The following LCMT1 variants were observed in gnomAD, a reference collection of about 807,000 sequenced individuals.
LCMT1 encodes [Phosphatase 2A protein]-leucine-carboxy methyltransferase 1.
LCMT1 carries 32 observed loss-of-function variants against 47.7 expected under a neutral mutation model. That is an observed-to-expected ratio of 0.67 (90% CI 0.51 to 0.90). The LOEUF is 0.90. LCMT1 is among the 40% of genes least tolerant of loss of function. LCMT1 has a pLI of 0.00. For missense variants in LCMT1, 375 were observed against 415.2 expected (o/e 0.90, Z 0.84); for synonymous variants, 152 against 149.7 (o/e 1.02, Z -0.11).
intron 1 of LCMT1, among the ~76,000 whole-genome samples, chr16:25,127,222 T>C (rs1395245160): frequency 6.6e-6 from 1 of 152,242 alleles, no homozygotes; most frequent in Admixed American, 6.5e-5. Context: ...TTTTACTTGG[T>C]TCAACATTTA....
chr16:25,171,962 T>C (rs1961788311), intron 9 of LCMT1, among the ~76,000 whole-genome samples: 1 of 152,204 alleles, frequency 6.6e-6, no homozygotes, highest in South Asian at 2.1e-4. Flanking sequence ...AAACAATAGA[T>C]TGTATTTGCC....
At chr16:25,133,385 G>GTTTTTTTTT (rs1177872054) in intron 3 of LCMT1, among the ~76,000 whole-genome samples, 1 of 52,620 alleles carries the variant, frequency 1.9e-5, no homozygotes, top group Non-Finnish European at 3.3e-5. Context: ...CTGGGCTTAG[G>GTTTTTTTTT]TTTTTTTTTT....
intron 7 of LCMT1, among the ~76,000 whole-genome samples, chr16:25,165,025 G>C (rs964986888): frequency 1.3e-5 from 2 of 152,196 alleles, no homozygotes; most frequent in Non-Finnish European, 2.9e-5. Context: ...GCATTTTGGG[G>C]TAGCAACTCA....
At chr16:25,129,793 C>G (rs1960296563) in intron 2 of LCMT1, among the ~76,000 whole-genome samples, 1 of 152,184 alleles carries the variant, frequency 6.6e-6, no homozygotes, top group Non-Finnish European at 1.5e-5. Context: ...ATATTTCAGG[C>G]TGAGCATATC....
At chr16:25,131,104 G>A (rs1293564259) in intron 2 of LCMT1, among the ~76,000 whole-genome samples, 1 of 152,260 alleles carries the variant, frequency 6.6e-6, no homozygotes, top group African/African-American at 2.4e-5. Context: ...CAGCCAGATT[G>A]AGAAATTGAC....
At chr16:25,116,532 A>G (rs1959790297) in intron 1 of LCMT1, among the ~76,000 whole-genome samples, 2 of 151,898 alleles carry the variant, frequency 1.3e-5, no homozygotes, top group Non-Finnish European at 2.9e-5. Context: ...GCTTCCAACA[A>G]CATTAGGGCC....
At chr16:25,138,293 T>C (rs1960564519) in intron 3 of LCMT1, among the ~76,000 whole-genome samples, 1 of 152,058 alleles carries the variant, frequency 6.6e-6, no homozygotes, top group Non-Finnish European at 1.5e-5. Flanking sequence ...AGCGTGCAGC[T>C]TTGAGACACC....
chr16:25,135,284 A>AGT (rs1941295712), intron 3 of LCMT1, among the ~76,000 whole-genome samples: 1 of 140,610 alleles, frequency 7.1e-6, no homozygotes, highest in Non-Finnish European at 1.6e-5. Context: ...TTTCTTTTAA[A>AGT]ATATATATCT....
intron 4 of LCMT1, chr16:25,143,147 C>G (rs1400799677): frequency 2.0e-5 from 3 of 152,134 alleles, no homozygotes; most frequent in Non-Finnish European, 4.4e-5. Context: ...TGAATCTGTC[C>G]TAAATCGATA....
At chr16:25,124,651 T>A (rs1960104258) in intron 1 of LCMT1, among the ~76,000 whole-genome samples, 1 of 152,234 alleles carries the variant, frequency 6.6e-6, no homozygotes, top group African/African-American at 2.4e-5. Flanking sequence ...CTTTTCATTC[T>A]TTGATGCCTC....
Position 25,164,578 on chromosome 16 carries a change from T to A in LCMT1, c.570-20T>A. On this transcript the variant is annotated intron_variant, in intron 6 of 10. Coordinates refer to ENST00000399069, the MANE Select transcript of LCMT1 (RefSeq NM_016309.3). ...CTTGATGATAACAAATTTATGTGCCTTTTTTTCCTTATCTTTAAGATTGCC... is the reference window on the plus strand; with the variant it reads ...CTTGATGATAACAAATTTATGTGCCATTTTTTCCTTATCTTTAAGATTGCC... 1 of 1,610,568 alleles carries A rather than the reference T, an allele frequency of 6.2e-7. No homozygotes were observed. Among genetic ancestry groups the A allele is most frequent in the South Asian group, 1.1e-5 (1 of 90,956 alleles).
In LCMT1 at chr16:25,154,156, C is replaced by T. The variant is rs914184925; in HGVS notation, c.466+2541C>T. ...TCCCAAACAGCTGGAATTACAGGCACGCGCCACCACGCCTGGCTAATTTTT... is the reference window on the plus strand; with the variant it reads ...TCCCAAACAGCTGGAATTACAGGCATGCGCCACCACGCCTGGCTAATTTTT... On this transcript the variant is annotated intron_variant, in intron 5 of 10. Transcript: ENST00000399069. 5.9e-5 allele frequency among the ~76,000 whole-genome samples: 9 copies of T among 151,676 alleles called. No individual in the cohort carries two copies. In the South Asian group the frequency reaches 8.4e-4, roughly 14 times the overall value.
rs149967110 is a variant in LCMT1, at chr16:25,140,162, T to C, written c.328-9T>C. The C allele has an allele frequency of 1.4e-3, 2,241 of 1,598,616 alleles. 23 individuals carry two copies. In the African/African-American group the frequency reaches 0.027, roughly 19 times the overall value. ...AAAGAAATAAAAAGTATTGTGTGTT[T>C]TTCCCCAGGATGAAGATCTTCTCCC... On this transcript the variant is annotated splice_polypyrimidine_tract_variant and intron_variant, in intron 3 of 10. Transcript: ENST00000399069.
chr16:25,173,521 C>G (rs187641233), intron 9 of LCMT1, among the ~76,000 whole-genome samples: 4 of 152,324 alleles, frequency 2.6e-5, no homozygotes, highest in Admixed American at 2.6e-4. Context: ...CACACGTGTT[C>G]ACACCTGGGT....
At chr16:25,132,280 C>A in intron 2 of LCMT1, 122 bp from the exon 3 acceptor site, 2 of 1,226,466 alleles carry the variant, frequency 1.6e-6, no homozygotes, top group Non-Finnish European at 1.1e-6. Flanking sequence ...TGCAGATTAA[C>A]CTCTGACACT....
intron 3 of LCMT1, among the ~76,000 whole-genome samples, chr16:25,139,262 C>T (rs961584206): frequency 3.3e-5 from 5 of 152,168 alleles, no homozygotes; most frequent in Admixed American, 2.0e-4. Context: ...ACTGACTTTC[C>T]CAAGACCTTA....
chr16:25,171,874 T>C (rs1344739409), intron 9 of LCMT1, among the ~76,000 whole-genome samples: 1 of 152,242 alleles, frequency 6.6e-6, no homozygotes, highest in East Asian at 1.9e-4. Context: ...TAAATATTTA[T>C]TGATACATAG....
At chr16:25,128,442 C>T in intron 1 of LCMT1, 33 bp from the exon 2 acceptor site, 1 of 1,518,002 alleles carries the variant, frequency 6.6e-7, no homozygotes, top group South Asian at 1.2e-5. Context: ...TACTCAATCT[C>T]TACTCACCTT....
At position 25,164,906 on chromosome 16, in the gene LCMT1, G is replaced by T. The variant is rs565761032; in HGVS notation, c.690+188G>T. ...TTGACCTCCTGCAGACTTTTAGCCA[G>T]TTATTAGAACTTCTGTCTTAGCCTT... On this transcript the variant is annotated intron_variant, in intron 7 of 10. Transcript: ENST00000399069. Among the ~76,000 whole-genome samples the T allele has an allele frequency of 4.6e-5, 7 of 152,290 alleles. No individual in the cohort carries two copies. The South Asian group carries it at 1.4e-3, about 32-fold the overall frequency.
Sources: allele counts gnomAD v4.1 joint callset (sites outside exome capture counted in the v4.1 genomes callset), GRCh38; gene constraint gnomAD v4.1.1; transcripts MANE v1.5; gene names NCBI Gene and HGNC (gene_info 2026-07-23, HGNC 2026-07-21).